The following COL4A3 variants were observed in gnomAD, a reference collection of about 807,000 sequenced individuals.
COL4A3 encodes the protein collagen type IV alpha 3 chain.
Under a neutral mutation model 217.4 loss-of-function variants are expected in COL4A3, and 135 were observed. The ratio of observed to expected loss-of-function variants is 0.62; its 90% confidence interval spans 0.54 to 0.72. The LOEUF (loss-of-function observed/expected upper bound fraction) is 0.72. Among genes scored for constraint, COL4A3 ranks in the 30% least tolerant of loss-of-function variants. The pLI is 0.00. For synonymous variants in COL4A3, 690 were observed against 736.3 expected, an observed-to-expected ratio of 0.94 and a Z score of 1.02; for missense variants, 1,868 against 2,119.9, an observed-to-expected ratio of 0.88 and a Z score of 2.33.
intron 18 of COL4A3, 140 bp from the exon 19 acceptor site, chr2:227,259,653 C>T (rs1007318431): frequency 1.0e-5 from 7 of 673,024 alleles, no homozygotes; most frequent in African/African-American, 3.6e-5. Context: ...TATCATATAC[C>T]TGCTAACATG....
intron 1 of COL4A3, among the ~76,000 whole-genome samples, chr2:227,167,416 TAGCTGTCAGGGCCC>T (rs1334912217): frequency 1.3e-5 from 2 of 152,228 alleles, no homozygotes; most frequent in Admixed American, 1.3e-4. Flanking sequence ...CCAGGTTTTA[TAGCTGTCAGGGCCC>T]AGCTCACCCA....
intron 39 of COL4A3, among the ~76,000 whole-genome samples, 175 bp from the exon 40 acceptor site, chr2:227,294,789 C>A (rs1281043798): frequency 6.6e-6 from 1 of 152,156 alleles, no homozygotes; most frequent in African/African-American, 2.4e-5. Flanking sequence ...TAATAGTAAT[C>A]TGTATGTGGT....
At chr2:227,301,400 G>A (rs1485536836) in intron 43 of COL4A3, among the ~76,000 whole-genome samples, 1 of 152,164 alleles carries the variant, frequency 6.6e-6, no homozygotes, top group African/African-American at 2.4e-5. Flanking sequence ...TGCGTAATGA[G>A]GTGCTTTGCC....
Position 227,164,636 on chromosome 2 carries a change from C to G in COL4A3, c.-91C>G. The G allele has an allele frequency of 6.6e-7, 1 of 1,514,980 alleles. No individual in the cohort carries two copies. Among genetic ancestry groups the G allele is most frequent in the Non-Finnish European group, 8.8e-7 (1 of 1,132,284 alleles). 93.8% of individuals were successfully genotyped at this position (1,514,980 alleles called of 1,614,324 possible). A position where few individuals can be genotyped will look rare whatever the true frequency, so the allele number is the denominator to read the frequency against. ...CGAGTGGCGAGGCGAGCTTTCCAGCCGGGCTCCCAGAGCCGCGCTGCGCAG... is the reference window on the plus strand; with the variant it reads ...CGAGTGGCGAGGCGAGCTTTCCAGCGGGGCTCCCAGAGCCGCGCTGCGCAG... On this transcript the variant is annotated 5_prime_UTR_variant, in exon 1 of 52. Transcript: ENST00000396578. This position sits in a 1 kb window ranked among gnomAD's most constrained non-coding sequence, Gnocchi z 4.8.
intron 2 of COL4A3, 65 bp from the exon 3 acceptor site, chr2:227,240,078 T>C (rs1379600392): frequency 1.6e-6 from 2 of 1,224,236 alleles, no homozygotes; most frequent in Non-Finnish European, 2.4e-6. Flanking sequence ...ATAATGGTTA[T>C]TGGTGTGTTT....
In COL4A3 at chr2:227,238,000, C is replaced by T; in HGVS notation, c.120C>T (p.Phe40=). 6.2e-7 allele frequency: 1 copy of T among 1,610,500 alleles called. No individual in the cohort carries two copies. The highest frequency in any genetic ancestry group is 8.5e-7 in the Non-Finnish European group (1 of 1,176,892). The part of the protein sequence containing the change: ...GCVCKDKGQC[F]CDGAKGEKGE... ...TCTGTAAAGACAAAGGCCAGTGCTT[C>T]TGTGACGGGGCCAAAGGGGAGAAGG... The change falls in exon 2 of 52, where the codon TTC becomes TTT. Residue 40 remains phenylalanine (F), a synonymous_variant. Transcript: ENST00000396578.
At chr2:227,293,835 A>G in intron 38 of COL4A3, 1 of 466,068 alleles carries the variant, frequency 2.1e-6, no homozygotes, top group South Asian at 1.6e-5. Context: ...ATCTTCTTCC[A>G]GTGTTTTCCA....
In COL4A3 at chr2:227,277,260, A is replaced by C. The variant is rs571732966; in HGVS notation, c.2021-189A>C. On this transcript the variant is annotated intron_variant, in intron 27 of 51. Transcript: ENST00000396578. ...CGTGAACCCAGGAGGCGGAGCTTGC[A>C]ATGAGCTGAGATAGCGCCACTGCAC... Among the ~76,000 whole-genome samples the C allele has an allele frequency of 3.3e-5, 5 of 151,318 alleles. No individual in the cohort carries two copies. The South Asian group carries it at 6.3e-4, about 19-fold the overall frequency.
intron 1 of COL4A3, among the ~76,000 whole-genome samples, chr2:227,234,159 AGTG>A (rs984870928): frequency 6.6e-6 from 1 of 151,992 alleles, no homozygotes; most frequent in Non-Finnish European, 1.5e-5. Context: ...TTTGGGGGAA[AGTG>A]GTGTATGTGT....
At chr2:227,230,042 C>T (rs1406506919) in intron 1 of COL4A3, among the ~76,000 whole-genome samples, 9 of 137,852 alleles carry the variant, frequency 6.5e-5, no homozygotes, top group Admixed American at 3.7e-4. Context: ...CAGAGCAAGA[C>T]TCCATCTCAA....
At chr2:227,221,995 C>T (rs1043444298) in intron 1 of COL4A3, among the ~76,000 whole-genome samples, 16 of 151,664 alleles carry the variant, frequency 1.1e-4, no homozygotes, top group Admixed American at 2.6e-4. Flanking sequence ...TTAAAATGCT[C>T]CTTAAGCCAG....
At chr2:227,254,206 A>T (rs369563747) in intron 14 of COL4A3, 32 bp downstream of exon 14, 4 of 1,582,910 alleles carry the variant, frequency 2.5e-6, no homozygotes, top group Non-Finnish European at 3.5e-6. Flanking sequence ...TGTCCCCATA[A>T]CACATAAAGT....
In COL4A3 at chr2:227,314,422, T is replaced by C. The variant is rs922022057; in HGVS notation, c.*2552T>C. On this transcript the variant is annotated 3_prime_UTR_variant, in exon 52 of 52. Coordinates refer to ENST00000396578, the MANE Select transcript of COL4A3 (RefSeq NM_000091.5). The stretch of plus-strand genomic sequence containing the variant: ...AAGATTTAATATTACAGATAAAATG[T>C]AAACTGTTTCTTTAAAATTGGGGCT... The C allele has an allele frequency of 1.3e-5, 2 of 152,676 alleles. No individual in the cohort carries two copies. Among genetic ancestry groups the C allele is most frequent in the Non-Finnish European group, 2.9e-5 (2 of 68,042 alleles). The allele number at this position is 152,676 out of a possible 1,614,324, so 9.5% of individuals were successfully genotyped here. A position where few individuals can be genotyped will look rare whatever the true frequency, so the allele number is the denominator to read the frequency against.
Position 227,253,413 on chromosome 2 carries a change from T to TA in COL4A3, c.687+77dup, listed in dbSNP as rs2069912511. On this transcript the variant is annotated intron_variant, in intron 12 of 51. Coordinates refer to ENST00000396578, the MANE Select transcript of COL4A3 (RefSeq NM_000091.5). This position sits in a 1 kb window ranked among gnomAD's most constrained non-coding sequence, Gnocchi z 4.4. ...AGCATATCAGCCTATACCGTTTACT[T>TA]ACGGGCCAAGCTGAAATTGATGGGC... 1 of 1,535,816 alleles carries TA rather than the reference T, an allele frequency of 6.5e-7. No individual in the cohort carries two copies. The highest frequency in any genetic ancestry group is 9.0e-7 in the Non-Finnish European group (1 of 1,108,690).
chr2:227,293,601 T>C, intron 38 of COL4A3: 1 of 489,734 alleles, frequency 2.0e-6, no homozygotes, highest in South Asian at 2.0e-5. Context: ...TTAGCCGTTA[T>C]ACAATCATAA....
intron 43 of COL4A3, among the ~76,000 whole-genome samples, chr2:227,299,903 T>G (rs1370087541): frequency 3.9e-5 from 6 of 152,222 alleles, no homozygotes. Context: ...TAAATGACAT[T>G]GTCACTTTTC....
At chr2:227,197,013 C>T (rs146936096) in intron 1 of COL4A3, among the ~76,000 whole-genome samples, 1 of 151,938 alleles carries the variant, frequency 6.6e-6, no homozygotes, top group Non-Finnish European at 1.5e-5. Context: ...GTGAGTGAGT[C>T]TCATGAGATC....
intron 1 of COL4A3, among the ~76,000 whole-genome samples, chr2:227,186,862 T>C (rs1010863941): frequency 6.6e-6 from 1 of 150,762 alleles, no homozygotes; most frequent in Non-Finnish European, 1.5e-5. Flanking sequence ...AATTGCAATA[T>C]CAAGGCACTG....
chr2:227,242,296 A>C (rs2069072813), intron 3 of COL4A3, among the ~76,000 whole-genome samples: 1 of 152,186 alleles, frequency 6.6e-6, no homozygotes, highest in Non-Finnish European at 1.5e-5. Flanking sequence ...AAGGGATATG[A>C]ATGAGAGATG....
Sources: gnomAD v4.1 joint callset for allele counts (sites outside exome capture counted in the v4.1 genomes callset) on GRCh38, gnomAD v4.1.1 for gene constraint, Gnocchi (gnomAD v3.1) non-coding constraint, MANE v1.5 for transcripts, NCBI Gene and HGNC (gene_info 2026-07-23, HGNC 2026-07-21) for gene names.